Variants in TTPA observed in about 807,000 individuals in gnomAD.
TTPA encodes the protein alpha tocopherol transfer protein, also known as alpha-tocopherol transfer protein.
A neutral mutation model predicts 25.9 loss-of-function variants in TTPA; 23 were observed. The ratio of observed to expected loss-of-function variants is 0.89; its 90% CI spans 0.64 to 1.26. TTPA has a LOEUF of 1.26. Ranked by LOEUF, TTPA falls within the 50% of genes most tolerant of loss-of-function variation. The pLI is 0.00. For missense variants in TTPA, 337 were observed against 353.1 expected, an observed-to-expected ratio of 0.95 and a Z score of 0.37; for synonymous variants, 148 against 137.3, an observed-to-expected ratio of 1.08 and a Z score of -0.54.
At chr8:63,076,666 CT>C (rs1738657089) in intron 1 of TTPA, among the ~76,000 whole-genome samples, 1 of 152,070 alleles carries the variant, frequency 6.6e-6, no homozygotes, top group African/African-American at 2.4e-5. Flanking sequence ...TTAAACATTA[CT>C]TTTTTTAAAG....
In TTPA at chr8:63,061,308, T is replaced by C; in HGVS notation, c.781A>G (p.Asn261Asp). The change falls in exon 5 of 5, where the codon AAT becomes GAT. Residue 261 changes from asparagine (N) to aspartate (D), a missense_variant. Coordinates refer to ENST00000260116, the MANE Select transcript of TTPA (RefSeq NM_000370.3). ...TAATCTTCAGACTTCATTATAAAAT[T>C]TGTCCATTCCTGACAAATGTCCTCC... The part of the protein sequence containing the change: ...SMEDICQEWT[N>D]FIMKSEDYLS... 1.2e-6 allele frequency: 2 copies of C among 1,613,926 alleles called. No homozygotes were observed. The highest frequency in any genetic ancestry group is 1.1e-5 in the South Asian group (1 of 91,080).
At chr8:63,059,030 T>G (rs1585684356), downstream of TTPA, among the ~76,000 whole-genome samples, 5 of 123,134 alleles carry the variant, frequency 4.1e-5, no homozygotes, top group Non-Finnish European at 8.4e-5. Flanking sequence ...GTTTTTTTTT[T>G]TTTTTTTTTT....
At chr8:63,084,422 T>A (rs1402360601) in intron 1 of TTPA, among the ~76,000 whole-genome samples, 1 of 152,130 alleles carries the variant, frequency 6.6e-6, no homozygotes, top group East Asian at 1.9e-4. Flanking sequence ...CAAAAAATAA[T>A]TGTTGAATGA....
chr8:63,082,724 A>C (rs1805683349), intron 1 of TTPA, among the ~76,000 whole-genome samples: 1 of 152,164 alleles, frequency 6.6e-6, no homozygotes, highest in African/African-American at 2.4e-5. Flanking sequence ...AATGGGAGAA[A>C]ATTTTTGCAA....
chr8:63,080,202 C>T (rs1372216837), intron 1 of TTPA, among the ~76,000 whole-genome samples: 1 of 152,102 alleles, frequency 6.6e-6, no homozygotes, highest in East Asian at 1.9e-4. Context: ...GCACTAAATG[C>T]CCACAAGAGA....
At chr8:63,070,966 A>T (rs866442088) in intron 2 of TTPA, among the ~76,000 whole-genome samples, 1 of 143,322 alleles carries the variant, frequency 7.0e-6, no homozygotes, top group African/African-American at 2.7e-5. Flanking sequence ...TACATACTTT[A>T]AAAAAACTGT....
chr8:63,072,300 T>C (rs753696630), intron 2 of TTPA, among the ~76,000 whole-genome samples: 1 of 151,010 alleles, frequency 6.6e-6, no homozygotes, highest in Non-Finnish European at 1.5e-5. Flanking sequence ...TCTTGTTCTT[T>C]TGCCCAGGCT....
rs79505971 is a variant in TTPA at position 63,066,739 on chromosome 8, C to A, written c.359-642G>T. Among the ~76,000 whole-genome samples, 20 of 152,234 alleles carry A rather than the reference C, an allele frequency of 1.3e-4. 1 individual carries two copies. In the East Asian group the frequency reaches 3.9e-3, roughly 29 times the overall value. ...TCCCACCACCCCAGGACAGGCCACG[C>A]CATGCAGAAATGACAGTAATGGATG... On this transcript the variant is annotated intron_variant, in intron 2 of 4. Coordinates refer to ENST00000260116, the MANE Select transcript of TTPA (RefSeq NM_000370.3).
At chr8:63,074,351 C>T (rs751174633) in intron 1 of TTPA, among the ~76,000 whole-genome samples, 42 of 152,200 alleles carry the variant, frequency 2.8e-4, no homozygotes, top group Non-Finnish European at 4.8e-4. Flanking sequence ...CATTGCTCTG[C>T]TCCCCCTCAC....
At chr8:63,066,248 C>G in intron 2 of TTPA, 151 bp from the exon 3 acceptor site, 3 of 819,992 alleles carry the variant, frequency 3.7e-6, no homozygotes, top group Non-Finnish European at 3.9e-6. Context: ...CAACTGGCGT[C>G]CAAGAACATG....
At chr8:63,083,352 C>T (rs1354425293) in intron 1 of TTPA, among the ~76,000 whole-genome samples, 1 of 152,164 alleles carries the variant, frequency 6.6e-6, no homozygotes, top group Non-Finnish European at 1.5e-5. Flanking sequence ...GTGGACGAAG[C>T]TGGAAACCAT....
chr8:63,069,236 A>G (rs1413258422), intron 2 of TTPA, among the ~76,000 whole-genome samples: 1 of 152,104 alleles, frequency 6.6e-6, no homozygotes, highest in Non-Finnish European at 1.5e-5. Flanking sequence ...CCCATGGATA[A>G]CCCAGATCAA....
In TTPA at chr8:63,062,444, G is replaced by C. The variant is rs542403216; in HGVS notation, c.664-1019C>G. Among the ~76,000 whole-genome samples, 69 of 152,220 alleles carry C rather than the reference G, an allele frequency of 4.5e-4. 1 individual carries two copies. The South Asian group carries it at 0.014, about 32-fold the overall frequency. On this transcript the variant is annotated intron_variant, in intron 4 of 4. Transcript: ENST00000260116. ...TTTAATAAGCATCTATTATGTGCTG[G>C]GATATGAGGTTTGATGGATGAAATG...
intron 1 of TTPA, among the ~76,000 whole-genome samples, chr8:63,084,860 T>G (rs1388289188): frequency 6.6e-6 from 1 of 152,254 alleles, no homozygotes; most frequent in Non-Finnish European, 1.5e-5. Flanking sequence ...TTCTTTTGTT[T>G]CTTTACATTC....
intron 2 of TTPA, 132 bp from the exon 3 acceptor site, chr8:63,066,229 T>A (rs1805388040): frequency 7.3e-6 from 7 of 964,922 alleles, no homozygotes; most frequent in Admixed American, 4.7e-5. Context: ...AAGAATTGAT[T>A]AATAAATCCA....
chr8:63,072,130 T>C (rs1006203457), intron 2 of TTPA, among the ~76,000 whole-genome samples: 1 of 152,198 alleles, frequency 6.6e-6, no homozygotes, highest in African/African-American at 2.4e-5. Flanking sequence ...ATTCACTCAC[T>C]CATTCCACAA....
chr8:63,081,740 C>G (rs1231013412), intron 1 of TTPA, among the ~76,000 whole-genome samples: 1 of 152,128 alleles, frequency 6.6e-6, no homozygotes, highest in Non-Finnish European at 1.5e-5. Flanking sequence ...ATTTAGAAAA[C>G]CCCATCGTCT....
rs1197012646 is a variant in TTPA at position 63,083,214 on chromosome 8, A to G, written c.204+2604T>C. On this transcript the variant is annotated intron_variant, in intron 1 of 4. Coordinates refer to ENST00000260116, the MANE Select transcript of TTPA (RefSeq NM_000370.3). ...TATGTTTACTGCGGCACTATTCACAATAGCAAAGACTTGGAACCAACCCAA... is the reference window on the plus strand; with the variant it reads ...TATGTTTACTGCGGCACTATTCACAGTAGCAAAGACTTGGAACCAACCCAA... Among the ~76,000 whole-genome samples the G allele has an allele frequency of 2.6e-5, 4 of 152,220 alleles. No individual in the cohort carries two copies. In the East Asian group the frequency reaches 5.8e-4, roughly 22 times the overall value.
intron 1 of TTPA, among the ~76,000 whole-genome samples, chr8:63,083,262 A>G (rs1805692547): frequency 2.6e-5 from 4 of 152,234 alleles, no homozygotes; most frequent in Admixed American, 2.6e-4. Context: ...GATAGACTGG[A>G]TTAAGAAAAT....
Sources: gnomAD v4.1 joint callset for allele counts (sites outside exome capture counted in the v4.1 genomes callset) on GRCh38, gnomAD v4.1.1 for gene constraint, MANE v1.5 for transcripts, NCBI Gene and HGNC (gene_info 2026-07-23, HGNC 2026-07-21) for gene names.